The following RUBCN variants were observed in gnomAD, a reference collection of about 807,000 sequenced individuals.
The protein encoded by RUBCN is rubicon autophagy regulator.
RUBCN carries 74 observed loss-of-function variants against 113.2 expected under a neutral mutation model. The ratio of observed to expected loss-of-function variants is 0.65; its 90% CI spans 0.54 to 0.79. The LOEUF is 0.79. Among genes scored for constraint, RUBCN ranks in the 30% least tolerant of loss-of-function variants. The probability of loss-of-function intolerance (pLI) is 0.00; values close to 1 mark genes in which losing one functional copy is unlikely to be tolerated. For synonymous variants in RUBCN, 480 were observed against 490.0 expected (o/e 0.98, Z 0.27); for missense variants, 1,109 against 1,251.7 (o/e 0.89, Z 1.72).
At chr3:197,693,363 G>A (rs1272273238) in intron 11 of RUBCN, among the ~76,000 whole-genome samples, 1 of 152,200 alleles carries the variant, frequency 6.6e-6, no homozygotes, top group African/African-American at 2.4e-5. Context: ...AACAATTTCA[G>A]TTGTGTTATG....
Position 197,718,129 on chromosome 3 carries a change from TC to T in RUBCN, c.66del (p.Arg23GlyfsTer10). 6.2e-7 allele frequency: 1 copy of T among 1,614,176 alleles called. No homozygotes were observed. Among genetic ancestry groups the T allele is most frequent in the Non-Finnish European group, 8.5e-7 (1 of 1,180,014 alleles). Reference sequence around the variant, plus strand: ...TTACCCAGCAACTGCCAGTGCTCCCTCCTGCAAGGGCATCAGTTACACCAAT... The same window carrying T: ...TTACCCAGCAACTGCCAGTGCTCCCTCTGCAAGGGCATCAGTTACACCAAT... ...GGEERLPEES[R>X]REHWQLLGNL... On this transcript the variant is annotated frameshift_variant and splice_region_variant, in exon 2 of 20. Coordinates refer to ENST00000296343, the MANE Select transcript of RUBCN (RefSeq NM_014687.4). LOFTEE classifies it high-confidence loss of function.
At chr3:197,696,357 A>T (rs1353219884) in intron 8 of RUBCN, among the ~76,000 whole-genome samples, 2 of 151,038 alleles carry the variant, frequency 1.3e-5, no homozygotes, top group Non-Finnish European at 2.9e-5. Flanking sequence ...GGGCAACAAG[A>T]GCAAAACTCT....
intron 1 of RUBCN, among the ~76,000 whole-genome samples, chr3:197,743,981 C>G (rs1205628905): frequency 6.6e-6 from 1 of 151,156 alleles, no homozygotes; most frequent in Admixed American, 6.6e-5. Flanking sequence ...GAGACTCTGT[C>G]TAAAAAATAA....
chr3:197,669,848 A>AT lies in RUBCN; in HGVS notation c.*5169dup, dbSNP rs1312358393. 6.6e-6 allele frequency among the ~76,000 whole-genome samples: 1 copy of AT among 152,206 alleles called. No homozygotes were observed. The highest frequency in any genetic ancestry group is 1.5e-5 in the Non-Finnish European group (1 of 68,038). On this transcript the variant is annotated 3_prime_UTR_variant, in exon 20 of 20. Coordinates refer to ENST00000296343, the MANE Select transcript of RUBCN (RefSeq NM_014687.4). ...TACACTTTTTCTAACTTCTTCTCAC[A>AT]TAACATTGTATTACAAGACTTTTTC... is the stretch of plus-strand genomic sequence containing the variant.
At position 197,693,771 on chromosome 3, in the gene RUBCN, G is replaced by A. The variant is rs776648529; in HGVS notation, c.1730C>T (p.Ser577Leu). 10 of 1,613,940 alleles carry A rather than the reference G, an allele frequency of 6.2e-6. No homozygotes were observed. Among genetic ancestry groups the A allele is most frequent in the South Asian group, 3.3e-5 (3 of 91,076 alleles). The stretch of plus-strand genomic sequence containing the variant: ...AGAGCCAGAGTCAGAGAGCTGTGCC[G>A]AATCACGTGAGCTGAACTGGGAGCT... ...SSSSQFSSRD[S>L]AQLSDSGSAD... is the part of the protein sequence containing the mutation. Residue 577 changes from serine to leucine, a missense_variant, in exon 11 of 20, where the codon TCG becomes TTG. Physicochemically the swap from Ser to Leu is moderately radical, Grantham distance 145 (BLOSUM62 -2). Around this residue, in one of 3 missense-constraint regions of RUBCN, gnomAD observed 736 missense variants for 779.6 expected, o/e 0.94. Transcript: ENST00000296343.
intron 16 of RUBCN, among the ~76,000 whole-genome samples, chr3:197,679,388 CT>C (rs1303458597): frequency 2.1e-5 from 3 of 146,076 alleles, no homozygotes; most frequent in African/African-American, 2.7e-5. Flanking sequence ...TACGCTCTAA[CT>C]TGTCAACTGG....
At chr3:197,712,381 T>A (rs907642168) in intron 2 of RUBCN, among the ~76,000 whole-genome samples, 3 of 152,204 alleles carry the variant, frequency 2.0e-5, no homozygotes, top group Non-Finnish European at 4.4e-5. Context: ...CGCATCCTCC[T>A]GAGAGCCCAG....
chr3:197,691,400 C>T (rs992386288), intron 11 of RUBCN, among the ~76,000 whole-genome samples: 8 of 151,846 alleles, frequency 5.3e-5, no homozygotes, highest in Admixed American at 3.3e-4. Context: ...ATGGCAATGA[C>T]GGAGGCATTT....
At position 197,705,178 on chromosome 3, in the gene RUBCN, GCAAAGGGAACACATACAA is replaced by G; in HGVS notation, c.220-21_220-4del. On this transcript the variant is annotated splice_region_variant and splice_polypyrimidine_tract_variant and intron_variant, in intron 2 of 19. Transcript: ENST00000296343. Reference sequence around the variant, plus strand: ...TAATCCGTCTGGCGGCGGCACGCCTGCAAAGGGAACACATACAATGAGCAAATCACGACCATTCTGGAC... The same window carrying G: ...TAATCCGTCTGGCGGCGGCACGCCTGTGAGCAAATCACGACCATTCTGGAC... 2 of 1,613,508 alleles carry G rather than the reference GCAAAGGGAACACATACAA, an allele frequency of 1.2e-6. No individual in the cohort carries two copies. Among genetic ancestry groups the G allele is most frequent in the Non-Finnish European group, 1.7e-6 (2 of 1,179,454 alleles).
At chr3:197,730,967 C>T (rs965571072) in intron 1 of RUBCN, among the ~76,000 whole-genome samples, 6 of 129,808 alleles carry the variant, frequency 4.6e-5, no homozygotes, top group Non-Finnish European at 7.8e-5. Context: ...TCAGTGCGGG[C>T]ATTATTATGT....
chr3:197,725,443 T>C (rs1365148311), intron 1 of RUBCN, among the ~76,000 whole-genome samples: 1 of 151,592 alleles, frequency 6.6e-6, no homozygotes, highest in South Asian at 2.1e-4. Context: ...CTCTCTTATA[T>C]AGTCTCTCAG....
In RUBCN at chr3:197,686,056, T is replaced by C. The variant is rs944213569; in HGVS notation, c.1787-1839A>G. ...TTTCAAATTCCATCCTGTTTGGGAG[T>C]AACACAAAAGAAAAAAAAAAATCTT... On this transcript the variant is annotated intron_variant, in intron 11 of 19. Transcript: ENST00000296343. Among the ~76,000 whole-genome samples the C allele has an allele frequency of 4.8e-4, 72 of 151,054 alleles. 1 individual carries two copies. The highest frequency in any genetic ancestry group is 9.7e-4 in the Non-Finnish European group (66 of 67,832).
intron 1 of RUBCN, among the ~76,000 whole-genome samples, chr3:197,728,790 G>A (rs1727051159): frequency 6.6e-6 from 1 of 152,224 alleles, no homozygotes; most frequent in Non-Finnish European, 1.5e-5. Context: ...TGTCAGATGT[G>A]CTCTAACAGA....
chr3:197,708,672 A>G (rs772565612), intron 2 of RUBCN, among the ~76,000 whole-genome samples: 2 of 152,166 alleles, frequency 1.3e-5, no homozygotes, highest in Non-Finnish European at 2.9e-5. Context: ...TCTCTAGAAT[A>G]AACATGCACT....
chr3:197,745,259 T>C (rs1431582633), intron 1 of RUBCN, among the ~76,000 whole-genome samples: 6 of 137,564 alleles, frequency 4.4e-5, no homozygotes, highest in Non-Finnish European at 6.1e-5. Context: ...CACTCCAGCC[T>C]GGGCAACAGA....
intron 3 of RUBCN, among the ~76,000 whole-genome samples, 190 bp from the exon 4 acceptor site, chr3:197,704,891 T>C (rs1278838399): frequency 4.0e-5 from 6 of 151,680 alleles, no homozygotes; most frequent in Non-Finnish European, 1.5e-5. Flanking sequence ...GGAGAAAAAG[T>C]GGCCTGGACC....
At chr3:197,706,097 G>C (rs994393018) in intron 2 of RUBCN, among the ~76,000 whole-genome samples, 3 of 152,222 alleles carry the variant, frequency 2.0e-5, no homozygotes, top group Admixed American at 2.0e-4. Context: ...AACTGGTAAA[G>C]AGCTATTGTT....
chr3:197,718,351 A>G (rs1039350058), intron 1 of RUBCN, among the ~76,000 whole-genome samples: 8 of 152,206 alleles, frequency 5.3e-5, no homozygotes, highest in African/African-American at 1.9e-4. Context: ...CTCACATTCA[A>G]ATGGTAGATT....
chr3:197,676,817 G>C, intron 18 of RUBCN, 68 bp downstream of exon 18: 1 of 1,611,258 alleles, frequency 6.2e-7, no homozygotes. Flanking sequence ...AAGAACCCCA[G>C]GTCCACCCCC....
Sources: allele counts gnomAD v4.1 joint callset (sites outside exome capture counted in the v4.1 genomes callset), GRCh38; gene constraint gnomAD v4.1.1; regional missense constraint gnomAD v4.1.1; transcripts MANE v1.5; gene names NCBI Gene and HGNC (gene_info 2026-07-23, HGNC 2026-07-21).